Variants in CPAMD8 observed in about 807,000 individuals in gnomAD.
CPAMD8 encodes the protein C3 and PZP like alpha-2-macroglobulin domain containing 8, also known as C3 and PZP-like alpha-2-macroglobulin domain-containing protein 8.
A neutral mutation model predicts 224.7 loss-of-function variants in CPAMD8; 146 were observed. The observed-to-expected ratio is 0.65, with a 90% CI of 0.57 to 0.75. CPAMD8 has a LOEUF of 0.75. Ranked by LOEUF, CPAMD8 falls within the 30% of genes least tolerant of loss-of-function variation. The probability of loss-of-function intolerance (pLI) is 0.00; values close to 1 mark genes in which losing one functional copy is unlikely to be tolerated. For missense variants in CPAMD8, 2,301 were observed against 2,537.5 expected (o/e 0.91, Z 2.00); for synonymous variants, 966 against 1,044.6 (o/e 0.92, Z 1.45).
In CPAMD8 at chr19:16,947,087, G is replaced by A; in HGVS notation, c.2649C>T (p.Leu883=). ...WVVLSFSDLG[L]NNITAKALAY... ...TGGGGTCCTCACCCGTGATGTTGTTGAGTCCCAGGTCGCTGAAGGACAGAA... is the reference window on the plus strand; with the variant it reads ...TGGGGTCCTCACCCGTGATGTTGTTAAGTCCCAGGTCGCTGAAGGACAGAA... Residue 883 remains leucine (L), a synonymous_variant, in exon 21 of 42, where the codon CTC becomes CTT. Transcript: ENST00000443236. 1 of 1,609,284 alleles carries A rather than the reference G, an allele frequency of 6.2e-7. No homozygotes were observed. Among genetic ancestry groups the A allele is most frequent in the East Asian group, 2.2e-5 (1 of 44,694 alleles).
At chr19:16,912,892 A>G (rs2052782904) in intron 29 of CPAMD8, among the ~76,000 whole-genome samples, 1 of 152,234 alleles carries the variant, frequency 6.6e-6, no homozygotes, top group South Asian at 2.1e-4. Flanking sequence ...ACTCAGAATG[A>G]CATCCGACTT....
At position 16,975,271 on chromosome 19, in the gene CPAMD8, G is replaced by A. The variant is rs539967929; in HGVS notation, c.1909-13C>T. 7 of 1,594,164 alleles carry A rather than the reference G, an allele frequency of 4.4e-6. No homozygotes were observed. The highest frequency in any genetic ancestry group is 2.7e-5 in the African/African-American group (2 of 74,566). ...GTTCCTGGAAAACCTGCAGGCAAAG[G>A]GGGACAGAGACTTGTCAGCTGAAGT... On this transcript the variant is annotated splice_polypyrimidine_tract_variant and intron_variant, in intron 16 of 41. Transcript: ENST00000443236.
intron 29 of CPAMD8, among the ~76,000 whole-genome samples, 190 bp from the exon 30 acceptor site, chr19:16,907,307 C>CTTTTTTTT (rs71334641): frequency 3.1e-4 from 25 of 81,066 alleles, no homozygotes; most frequent in Admixed American, 3.5e-4. Flanking sequence ...TCTTTCTTGC[C>CTTTTTTTT]TTTTTTTTTT....
intron 18 of CPAMD8, among the ~76,000 whole-genome samples, chr19:16,968,895 T>C (rs774289878): frequency 3.9e-5 from 6 of 152,088 alleles, no homozygotes; most frequent in Non-Finnish European, 7.4e-5. Context: ...GCCTTGGCCT[T>C]CCAAAGTGCT....
intron 26 of CPAMD8, among the ~76,000 whole-genome samples, chr19:16,923,277 G>A (rs898994831): frequency 6.6e-6 from 1 of 152,210 alleles, no homozygotes; most frequent in African/African-American, 2.4e-5. Flanking sequence ...GTAGGGTCTG[G>A]ACAGAAAGCT....
intron 27 of CPAMD8, among the ~76,000 whole-genome samples, chr19:16,917,861 C>T (rs972612733): frequency 2.1e-4 from 32 of 152,280 alleles, no homozygotes; most frequent in African/African-American, 4.8e-5. Context: ...TTTGCATTTA[C>T]GGGAATCTCT....
At position 16,898,144 on chromosome 19, in the gene CPAMD8, CTTTTTT is replaced by C. The variant is rs35096930; in HGVS notation, c.4849-156_4849-151del. The C allele has an allele frequency of 8.2e-5, 43 of 526,218 alleles. No individual in the cohort carries two copies. The highest frequency in any genetic ancestry group is 3.5e-4 in the Admixed American group (10 of 28,386). 32.6% of individuals were successfully genotyped at this position (526,218 alleles called of 1,614,324 possible). A position where few individuals can be genotyped will look rare whatever the true frequency, so the allele number is the denominator to read the frequency against. On this transcript the variant is annotated intron_variant, in intron 37 of 41. Coordinates refer to ENST00000443236, the MANE Select transcript of CPAMD8 (RefSeq NM_015692.5). This position sits in a 1 kb window ranked among gnomAD's most constrained non-coding sequence, Gnocchi z 4.2. ...CATTTTCTTTTTTTCTTTTACTTTTCTTTTTTTTTTTTTTTCCTGAGACAGAGTCTC... is the reference window on the plus strand; with the variant it reads ...CATTTTCTTTTTTTCTTTTACTTTTCTTTTTTTTTCCTGAGACAGAGTCTC...
At chr19:16,904,015 C>G (rs537096025) in intron 32 of CPAMD8, among the ~76,000 whole-genome samples, 158 bp from the exon 33 acceptor site, 4 of 152,262 alleles carry the variant, frequency 2.6e-5, no homozygotes, top group South Asian at 2.1e-4. Flanking sequence ...GGCCTCAGGA[C>G]AGCCAGGTTG....
chr19:16,945,776 CAT>C (rs2054053302), intron 21 of CPAMD8, 97 bp from the exon 22 acceptor site: 1 of 1,108,908 alleles, frequency 9.0e-7, no homozygotes, highest in Middle Eastern at 2.0e-4. Context: ...TGCATGCATG[CAT>C]GTGTGTGTGT....
At position 16,930,637 on chromosome 19, in the gene CPAMD8, C is replaced by T. The variant is rs555157412; in HGVS notation, c.2846-1397G>A. ...GAACCCCCGTGGTCCCCATTCCCAC[C>T]GTGGACTCTAGCAGCTCTAGCCATG... On this transcript the variant is annotated intron_variant, in intron 23 of 41. Coordinates refer to ENST00000443236, the MANE Select transcript of CPAMD8 (RefSeq NM_015692.5). 1.7e-3 allele frequency among the ~76,000 whole-genome samples: 253 copies of T among 152,196 alleles called. 1 individual carries two copies. Among genetic ancestry groups the T allele is most frequent in the South Asian group, 1.2e-3 (6 of 4,812 alleles).
At chr19:16,913,210 T>C (rs1210596074) in intron 29 of CPAMD8, among the ~76,000 whole-genome samples, 2 of 151,932 alleles carry the variant, frequency 1.3e-5, no homozygotes, top group South Asian at 2.1e-4. Flanking sequence ...CCATGGGAGA[T>C]GTGGAGGAGG....
chr19:16,929,233 G>T lies in CPAMD8; in HGVS notation c.2853C>A (p.Val951=), dbSNP rs779751170. The T allele has an allele frequency of 2.5e-6, 4 of 1,603,026 alleles. No individual in the cohort carries two copies. The highest frequency in any genetic ancestry group is 1.7e-5 in the Admixed American group (1 of 59,808). ...YSAFFCPSER[V]HISTPNKYEF... is the part of the protein sequence containing the mutation. Reference sequence around the variant, plus strand: ...CATACTTGTTGGGGGTGGAGATGTGGACTCTCTCTGGATGGAGGAAAGGAG... The same window carrying T: ...CATACTTGTTGGGGGTGGAGATGTGTACTCTCTCTGGATGGAGGAAAGGAG... The change falls in exon 24 of 42, where the codon GTC becomes GTA. Residue 951 remains valine, a synonymous_variant. Coordinates refer to ENST00000443236, the MANE Select transcript of CPAMD8 (RefSeq NM_015692.5).
intron 18 of CPAMD8, among the ~76,000 whole-genome samples, chr19:16,969,781 G>A (rs2054982634): frequency 1.3e-5 from 2 of 149,876 alleles, no homozygotes; most frequent in South Asian, 4.2e-4. Flanking sequence ...GGCTGAGGCA[G>A]GAGAATCACT....
chr19:16,923,722 G>T (rs1363508677), intron 26 of CPAMD8, among the ~76,000 whole-genome samples: 1 of 152,166 alleles, frequency 6.6e-6, no homozygotes, highest in Non-Finnish European at 1.5e-5. Flanking sequence ...CCAGCACTTT[G>T]GGAGGCCAAG....
chr19:17,014,928 G>A (rs930005945), intron 3 of CPAMD8, among the ~76,000 whole-genome samples: 1 of 152,228 alleles, frequency 6.6e-6, no homozygotes, highest in African/African-American at 2.4e-5. Flanking sequence ...GGGGAGCTAT[G>A]TGCACCCACC....
intron 20 of CPAMD8, among the ~76,000 whole-genome samples, chr19:16,947,618 C>A (rs2054149795): frequency 6.6e-6 from 1 of 152,218 alleles, no homozygotes; most frequent in African/African-American, 2.4e-5. Context: ...CCTCTCCTGA[C>A]CCTCTTTCCA....
chr19:17,002,377 G>C, intron 8 of CPAMD8, 27 bp from the exon 9 acceptor site: 1 of 1,538,616 alleles, frequency 6.5e-7, no homozygotes, highest in Non-Finnish European at 8.9e-7. Flanking sequence ...GAGAGGAGGG[G>C]CTGGCTTCTG....
chr19:16,905,567 A>T lies in CPAMD8; in HGVS notation c.4028-1015T>A, dbSNP rs1331344989. ...AAAAAAAAAAAAAAAAAAGGAAGAA[A>T]AGAAAAAAAAAAAAAAAAAGAAAAA... On this transcript the variant is annotated intron_variant, in intron 30 of 41. Transcript: ENST00000443236. 2.0e-4 allele frequency among the ~76,000 whole-genome samples: 28 copies of T among 137,368 alleles called. No homozygotes were observed. In the East Asian group the frequency reaches 5.4e-3, roughly 27 times the overall value. The allele number at this position is 137,368 out of a possible 152,430, so 90.1% of individuals were successfully genotyped here.
At position 17,016,751 on chromosome 19, in the gene CPAMD8, CTCTG is replaced by C. The variant is rs562700281; in HGVS notation, c.267+3576_267+3579del. ...CTCCACCCTGGGCGACAGAGCAAGA[CTCTG>C]TCTCCAAAAAGAGAGAAAGAGAGAG... On this transcript the variant is annotated intron_variant, in intron 3 of 41. Coordinates refer to ENST00000443236, the MANE Select transcript of CPAMD8 (RefSeq NM_015692.5). 7.2e-5 allele frequency among the ~76,000 whole-genome samples: 11 copies of C among 151,984 alleles called. No homozygotes were observed. In the South Asian group the frequency reaches 2.3e-3, roughly 32 times the overall value.
Sources: allele counts gnomAD v4.1 joint callset (sites outside exome capture counted in the v4.1 genomes callset), GRCh38; gene constraint gnomAD v4.1.1; non-coding constraint Gnocchi (gnomAD v3.1); transcripts MANE v1.5; gene names NCBI Gene and HGNC (gene_info 2026-07-23, HGNC 2026-07-21).